The following MRPL12 variants were observed in gnomAD, a reference collection of about 807,000 sequenced individuals.
MRPL12 encodes mitochondrial ribosomal protein L12.
Under a neutral mutation model 21.1 loss-of-function variants are expected in MRPL12, and 13 were observed. That is an observed-to-expected ratio of 0.62 (90% CI 0.40 to 0.98). MRPL12 has a LOEUF of 0.98. MRPL12 is among the 50% of genes least tolerant of loss of function. The pLI is 0.00. For synonymous variants in MRPL12, 126 were observed against 115.3 expected, an observed-to-expected ratio of 1.09 and a Z score of -0.60; for missense variants, 251 against 268.6, an observed-to-expected ratio of 0.93 and a Z score of 0.46.
Position 81,707,352 on chromosome 17 carries a change from G to C in MRPL12, c.*112G>C, listed in dbSNP as rs866613984. On this transcript the variant is annotated 3_prime_UTR_variant, in exon 5 of 5. Coordinates refer to ENST00000333676, the MANE Select transcript of MRPL12 (RefSeq NM_002949.4). ...CCAGGCGCCCAGTGGAGCCGTTTGG[G>C]AGAATTGCCTGCGCCACGCAGCGGG... 2.1e-4 allele frequency: 219 copies of C among 1,046,000 alleles called. No individual in the cohort carries two copies. The Middle Eastern group carries it at 3.9e-3, about 18-fold the overall frequency. The allele number at this position is 1,046,000 out of a possible 1,614,324, so 64.8% of individuals were successfully genotyped here. A position where few individuals can be genotyped will look rare whatever the true frequency, so the allele number is the denominator to read the frequency against.
chr17:81,704,850 G>C, intron 3 of MRPL12, 134 bp downstream of exon 3: 1 of 749,706 alleles, frequency 1.3e-6, no homozygotes. Flanking sequence ...GCATCCTGCA[G>C]CCTCCTGGGA....
intron 3 of MRPL12, among the ~76,000 whole-genome samples, chr17:81,705,179 TCAAACAAA>T (rs71367085): frequency 6.7e-6 from 1 of 150,174 alleles, no homozygotes; most frequent in African/African-American, 2.5e-5. Context: ...GGAGACTGTC[TCAAACAAA>T]CAAACAAAAT....
intron 4 of MRPL12, 22 bp downstream of exon 4, chr17:81,707,062 C>G (rs373222661): frequency 2.4e-5 from 38 of 1,613,850 alleles, no homozygotes; most frequent in Non-Finnish European, 3.1e-5. Context: ...GGTGGGGGTT[C>G]CGAGGCAGGT....
At chr17:81,706,743 T>C (rs1177319228) in intron 3 of MRPL12, among the ~76,000 whole-genome samples, 163 bp from the exon 4 acceptor site, 1 of 152,144 alleles carries the variant, frequency 6.6e-6, no homozygotes, top group Non-Finnish European at 1.5e-5. Flanking sequence ...CACCAGCTGG[T>C]TAAGGATTGA....
Position 81,707,297 on chromosome 17 carries a change from C to G in MRPL12, c.*57C>G, listed in dbSNP as rs1192530373. The G allele has an allele frequency of 1.4e-6, 2 of 1,471,676 alleles. No individual in the cohort carries two copies. Among genetic ancestry groups the G allele is most frequent in the Non-Finnish European group, 1.8e-6 (2 of 1,095,226 alleles). The allele number at this position is 1,471,676 out of a possible 1,614,324, so 91.2% of individuals were successfully genotyped here. A position where few individuals can be genotyped will look rare whatever the true frequency, so the allele number is the denominator to read the frequency against. On this transcript the variant is annotated 3_prime_UTR_variant, in exon 5 of 5. Coordinates refer to ENST00000333676, the MANE Select transcript of MRPL12 (RefSeq NM_002949.4). ...CCTGGGCCCCGGGCGAGGTCCCGCC[C>G]TCCCGTGGTCACTGGCTCCGCCCCC...
chr17:81,707,261 T>G lies in MRPL12; in HGVS notation c.*21T>G. The G allele has an allele frequency of 6.4e-7, 1 of 1,553,448 alleles. No homozygotes were observed. The highest frequency in any genetic ancestry group is 8.7e-7 in the Non-Finnish European group (1 of 1,148,836). ...AGTAGCCTCCAGCTCGGAGGACTTGTGTTCAGGGGTCCTGGGCCCCGGGCG... is the reference window on the plus strand; with the variant it reads ...AGTAGCCTCCAGCTCGGAGGACTTGGGTTCAGGGGTCCTGGGCCCCGGGCG... On this transcript the variant is annotated 3_prime_UTR_variant, in exon 5 of 5. Coordinates refer to ENST00000333676, the MANE Select transcript of MRPL12 (RefSeq NM_002949.4).
chr17:81,704,157 G>A (rs1172314978), intron 1 of MRPL12, 87 bp from the exon 2 acceptor site: 2 of 1,370,320 alleles, frequency 1.5e-6, no homozygotes, highest in Non-Finnish European at 2.0e-6. Context: ...GCACCCACCA[G>A]TCCCCCAGTT....
intron 3 of MRPL12, among the ~76,000 whole-genome samples, chr17:81,705,045 G>A (rs1184306690): frequency 3.3e-4 from 50 of 150,984 alleles, no homozygotes; most frequent in Admixed American, 6.6e-5. Context: ...GGCCAGCCTG[G>A]CCAACATGGT....
intron 1 of MRPL12, among the ~76,000 whole-genome samples, chr17:81,703,880 C>T (rs1416935435): frequency 2.6e-5 from 4 of 152,240 alleles, no homozygotes; most frequent in African/African-American, 9.6e-5. Flanking sequence ...CGGCCAGGGG[C>T]CCCCATGTTT....
At position 81,704,332 on chromosome 17, in the gene MRPL12, A is replaced by G; in HGVS notation, c.163A>G (p.Asn55Asp). 6.2e-7 allele frequency: 1 copy of G among 1,613,540 alleles called. No homozygotes were observed. Among genetic ancestry groups the G allele is most frequent in the Non-Finnish European group, 8.5e-7 (1 of 1,179,922 alleles). The change falls in exon 2 of 5, where the codon AAC (asparagine) becomes GAC (aspartate). Residue 55 changes from asparagine (N) to aspartate (D), a missense_variant. Coordinates refer to ENST00000333676, the MANE Select transcript of MRPL12 (RefSeq NM_002949.4). ...CEALAGAPLD[N>D]APKEYPPKIQ... is the part of the protein sequence containing the mutation. The stretch of plus-strand genomic sequence containing the variant: ...GGCCCTCGCTGGTGCACCCCTGGAT[A>G]ACGCCCCCAAGGAGTACCCCCCCAA...
At position 81,703,500 on chromosome 17, in the gene MRPL12, C is replaced by T. The variant is rs773873778; in HGVS notation, c.-2C>T. 2.2e-4 allele frequency: 334 copies of T among 1,485,584 alleles called. 1 individual carries two copies. The highest frequency in any genetic ancestry group is 4.9e-4 in the Admixed American group (22 of 44,566). 92.0% of individuals were successfully genotyped at this position (1,485,584 alleles called of 1,614,324 possible). A position where few individuals can be genotyped will look rare whatever the true frequency, so the allele number is the denominator to read the frequency against. The stretch of plus-strand genomic sequence containing the variant: ...GCGTGTGACCTTCCAGCCCGCGGAC[C>T]GATGCTGCCGGCGGCCGCTCGCCCC... On this transcript the variant is annotated 5_prime_UTR_variant, in exon 1 of 5. Coordinates refer to ENST00000333676, the MANE Select transcript of MRPL12 (RefSeq NM_002949.4).
chr17:81,703,631 C>G (rs1326372855), intron 1 of MRPL12, 56 bp downstream of exon 1: 14 of 1,300,098 alleles, frequency 1.1e-5, no homozygotes, highest in African/African-American at 1.6e-5. Flanking sequence ...GGCAGCCGGG[C>G]ACTGAGGGGT....
At chr17:81,706,176 T>G (rs1447100083) in intron 3 of MRPL12, among the ~76,000 whole-genome samples, 19 of 152,188 alleles carry the variant, frequency 1.2e-4, no homozygotes, top group Admixed American at 1.2e-3. Context: ...CAAAGCACTT[T>G]TGGTGTCGTT....
At chr17:81,706,862 C>G (rs747993922) in intron 3 of MRPL12, 44 bp from the exon 4 acceptor site, 2 of 1,606,164 alleles carry the variant, frequency 1.2e-6, no homozygotes, top group Admixed American at 1.7e-5. Flanking sequence ...TTAGCTCCCC[C>G]CAGCCCTTTG....
At position 81,703,418 on chromosome 17, in the gene MRPL12, C is replaced by T. The variant is rs1195646859; in HGVS notation, c.-84C>T. On this transcript the variant is annotated 5_prime_UTR_variant, in exon 1 of 5. Coordinates refer to ENST00000333676, the MANE Select transcript of MRPL12 (RefSeq NM_002949.4). ...GCCGTGGCGGCTAGAGCGTTCCTCC[C>T]CAGCTCGAATGCCCGGCGGCCGAGG... The T allele has an allele frequency of 1.5e-5, 18 of 1,227,844 alleles. 1 individual carries two copies. Among genetic ancestry groups the T allele is most frequent in the African/African-American group, 7.9e-5 (5 of 62,908 alleles). The allele number at this position is 1,227,844 out of a possible 1,614,324, so 76.1% of individuals were successfully genotyped here. A position where few individuals can be genotyped will look rare whatever the true frequency, so the allele number is the denominator to read the frequency against.
At chr17:81,704,540 A>G in intron 2 of MRPL12, 93 bp from the exon 3 acceptor site, 1 of 1,573,854 alleles carries the variant, frequency 6.4e-7, no homozygotes, top group Non-Finnish European at 8.7e-7. Context: ...GTGTTTGTCC[A>G]GGTGCAAGGT....
Position 81,703,500 on chromosome 17 carries a change from C to A in MRPL12, c.-2C>A. 3.4e-6 allele frequency: 5 copies of A among 1,485,704 alleles called. 1 individual carries two copies. Among genetic ancestry groups the A allele is most frequent in the Non-Finnish European group, 3.6e-6 (4 of 1,124,070 alleles). The allele number at this position is 1,485,704 out of a possible 1,614,324, so 92.0% of individuals were successfully genotyped here. A position where few individuals can be genotyped will look rare whatever the true frequency, so the allele number is the denominator to read the frequency against. ...GCGTGTGACCTTCCAGCCCGCGGAC[C>A]GATGCTGCCGGCGGCCGCTCGCCCC... is the stretch of plus-strand genomic sequence containing the variant. On this transcript the variant is annotated 5_prime_UTR_variant, in exon 1 of 5. Coordinates refer to ENST00000333676, the MANE Select transcript of MRPL12 (RefSeq NM_002949.4).
At chr17:81,704,204 C>T (rs1468030982) in intron 1 of MRPL12, 40 bp from the exon 2 acceptor site, 1 of 1,570,630 alleles carries the variant, frequency 6.4e-7, no homozygotes, top group East Asian at 2.3e-5. Flanking sequence ...CCTTCCATTC[C>T]AGGACTGACA....
chr17:81,705,545 G>C (rs1283292444), intron 3 of MRPL12, among the ~76,000 whole-genome samples: 1 of 152,220 alleles, frequency 6.6e-6, no homozygotes, highest in Non-Finnish European at 1.5e-5. Context: ...AGACATTGTA[G>C]AAGAGAGCAC....
Sources: allele counts gnomAD v4.1 joint callset (sites outside exome capture counted in the v4.1 genomes callset), GRCh38; gene constraint gnomAD v4.1.1; transcripts MANE v1.5; gene names NCBI Gene and HGNC (gene_info 2026-07-23, HGNC 2026-07-21).